Variants in ZNF710 observed in about 807,000 individuals in gnomAD.
ZNF710 encodes the protein zinc finger protein 710.
A neutral mutation model predicts 50.6 loss-of-function variants in ZNF710; 13 were observed. The observed-to-expected ratio is 0.26, with a 90% confidence interval of 0.17 to 0.41. The LOEUF (loss-of-function observed/expected upper bound fraction) is 0.41. Ranked by LOEUF, ZNF710 falls within the 10% of genes least tolerant of loss-of-function variation. ZNF710 has a pLI of 1.00. For synonymous variants in ZNF710, 383 were observed against 397.0 expected, an observed-to-expected ratio of 0.96 and a Z score of 0.42; for missense variants, 721 against 936.6, an observed-to-expected ratio of 0.77 and a Z score of 3.01.
intron 1 of ZNF710, among the ~76,000 whole-genome samples, chr15:90,043,915 T>C (rs995230227): frequency 1.1e-4 from 17 of 152,308 alleles, no homozygotes; most frequent in South Asian, 6.2e-4. Flanking sequence ...CCTTTTTTTT[T>C]CCCCTCTTGC....
At chr15:90,032,891 G>T (rs1485180912) in intron 1 of ZNF710, among the ~76,000 whole-genome samples, 2 of 151,822 alleles carry the variant, frequency 1.3e-5, no homozygotes, top group Non-Finnish European at 1.5e-5. Flanking sequence ...GGACAACATA[G>T]CAAGAACTTG....
At chr15:90,000,201 G>A (rs1464154041), upstream of ZNF710, among the ~76,000 whole-genome samples, 1 of 152,260 alleles carries the variant, frequency 6.6e-6, no homozygotes, top group Non-Finnish European at 1.5e-5. Flanking sequence ...GGACAGAGCA[G>A]GTCTTGGGAG....
At chr15:90,052,410 C>T (rs572900889) in intron 1 of ZNF710, among the ~76,000 whole-genome samples, 3 of 152,212 alleles carry the variant, frequency 2.0e-5, no homozygotes, top group South Asian at 2.1e-4. Context: ...TCTGATCACT[C>T]GAGATTAAAA....
chr15:90,010,905 T>C (rs1213495847), intron 1 of ZNF710, among the ~76,000 whole-genome samples: 1 of 150,090 alleles, frequency 6.7e-6, no homozygotes, highest in Non-Finnish European at 1.5e-5. Flanking sequence ...TGAACTTCTG[T>C]TTTTTATTGT....
chr15:90,070,995 GCT>G (rs1312159917), intron 2 of ZNF710, among the ~76,000 whole-genome samples: 39 of 152,348 alleles, frequency 2.6e-4, no homozygotes, highest in African/African-American at 8.9e-4. Context: ...TGGCACAGTG[GCT>G]CACGCCTGTA....
At chr15:90,005,814 C>T (rs527826336) in intron 1 of ZNF710, among the ~76,000 whole-genome samples, 1 of 152,284 alleles carries the variant, frequency 6.6e-6, no homozygotes, top group South Asian at 2.1e-4. Context: ...TGTCTTAGGC[C>T]AGAATTATGC....
At position 90,082,060 on chromosome 15, in the gene ZNF710, T is replaced by TAAC. The variant is rs1273241664; in HGVS notation, c.*2232_*2234dup. On this transcript the variant is annotated 3_prime_UTR_variant, in exon 5 of 5. Transcript: ENST00000268154. ...GGAAACTCCTGGACAAATTCCATTCTAACTTATTTTGACATGTATACAAAC... is the reference window on the plus strand; with the variant it reads ...GGAAACTCCTGGACAAATTCCATTCTAACAACTTATTTTGACATGTATACAAAC... 5 of 152,268 alleles carry TAAC rather than the reference T, an allele frequency of 3.3e-5. No homozygotes were observed. The highest frequency in any genetic ancestry group is 2.9e-5 in the Non-Finnish European group (2 of 68,058). The allele number at this position is 152,268 out of a possible 1,614,324, so 9.4% of individuals were successfully genotyped here.
chr15:90,075,009 C>T (rs187897335), intron 4 of ZNF710: 68 of 165,384 alleles, frequency 4.1e-4, no homozygotes, highest in Non-Finnish European at 8.2e-4. Context: ...TATGCCTCAG[C>T]AGTTCGTAGA....
chr15:90,030,944 G>C (rs1165212003), intron 1 of ZNF710, among the ~76,000 whole-genome samples: 2 of 150,606 alleles, frequency 1.3e-5, no homozygotes, highest in Non-Finnish European at 3.0e-5. Context: ...GCGTGAACCC[G>C]GGAGGCGGAG....
intron 1 of ZNF710, among the ~76,000 whole-genome samples, chr15:90,027,472 A>G (rs1490840697): frequency 6.6e-6 from 1 of 152,152 alleles, no homozygotes; most frequent in Non-Finnish European, 1.5e-5. Context: ...GGCCTCCCAA[A>G]GTGCTAGGAT....
intron 1 of ZNF710, among the ~76,000 whole-genome samples, chr15:90,010,085 G>T (rs1291682190): frequency 6.6e-6 from 1 of 152,020 alleles, no homozygotes; most frequent in African/African-American, 2.4e-5. Context: ...ATGCTTTGGT[G>T]CCTTGGCCAC....
At chr15:90,031,884 C>A (rs1898959622) in intron 1 of ZNF710, among the ~76,000 whole-genome samples, 1 of 152,190 alleles carries the variant, frequency 6.6e-6, no homozygotes, top group Admixed American at 6.5e-5. Context: ...GTTACAGTGG[C>A]TTTTTATTCT....
chr15:90,046,816 T>TA (rs1476663192), intron 1 of ZNF710, among the ~76,000 whole-genome samples: 4 of 152,040 alleles, frequency 2.6e-5, no homozygotes, highest in Non-Finnish European at 4.4e-5. Flanking sequence ...GTGGTGTGGG[T>TA]AAAGGTAGCA....
intron 1 of ZNF710, among the ~76,000 whole-genome samples, chr15:90,021,080 A>G (rs889428288): frequency 4.6e-5 from 5 of 108,944 alleles, no homozygotes; most frequent in African/African-American, 6.9e-5. Flanking sequence ...GTTCCTTGCT[A>G]TGGAGTCAAA....
At chr15:90,017,626 C>G (rs1160149929) in intron 1 of ZNF710, among the ~76,000 whole-genome samples, 1 of 151,836 alleles carries the variant, frequency 6.6e-6, no homozygotes, top group East Asian at 1.9e-4. Context: ...TGGCATCTTG[C>G]AAGGGATGCA....
rs769473072 is a variant in ZNF710, at chr15:90,068,364, C to T, written c.1227C>T (p.Cys409=). Residue 409 remains cysteine, a synonymous_variant, in exon 2 of 5, where the codon TGC becomes TGT. Transcript: ENST00000268154. The surrounding 1 kb of genome is among the most constrained non-coding windows in gnomAD (Gnocchi z 5.0). ...ATGAGAGTGGCCGCTGCCATGTCTG[C>T]GTCGAGTGCGGCCTGGACTTCTCCA... ...VKHESGRCHV[C]VECGLDFSTL... 22 of 1,612,306 alleles carry T rather than the reference C, an allele frequency of 1.4e-5. No individual in the cohort carries two copies. Among genetic ancestry groups the T allele is most frequent in the Admixed American group, 6.7e-5 (4 of 60,000 alleles).
At chr15:90,033,203 G>A (rs149377957) in intron 1 of ZNF710, among the ~76,000 whole-genome samples, 7 of 152,298 alleles carry the variant, frequency 4.6e-5, no homozygotes, top group African/African-American at 1.4e-4. Context: ...CTCGAACAGC[G>A]TGTGGGCCAG....
At chr15:90,028,953 A>G (rs536669190) in intron 1 of ZNF710, among the ~76,000 whole-genome samples, 1 of 152,364 alleles carries the variant, frequency 6.6e-6, no homozygotes, top group African/African-American at 2.4e-5. Context: ...AAGTGGTTGC[A>G]TTAGGGTGAG....
Position 90,067,210 on chromosome 15 carries a change from C to A in ZNF710, c.73C>A (p.Leu25Ile). The A allele has an allele frequency of 6.2e-7, 1 of 1,613,882 alleles. No homozygotes were observed. Among genetic ancestry groups the A allele is most frequent in the Non-Finnish European group, 8.5e-7 (1 of 1,179,940 alleles). ...VVLSLAQAAV[L>I]GLVSENELFG... ...GCTGTCCTTGGCTCAGGCCGCCGTG[C>A]TTGGCCTGGTCTCCGAAAATGAGCT... Residue 25 changes from leucine to isoleucine, a missense_variant, in exon 2 of 5, where the codon CTT becomes ATT. Leu to Ile is a conservative substitution (Grantham distance 5). Transcript: ENST00000268154. The surrounding 1 kb of genome is among the most constrained non-coding windows in gnomAD (Gnocchi z 8.1).
Sources: gnomAD v4.1 joint callset for allele counts (sites outside exome capture counted in the v4.1 genomes callset) on GRCh38, gnomAD v4.1.1 for gene constraint, Gnocchi (gnomAD v3.1) non-coding constraint, MANE v1.5 for transcripts, NCBI Gene and HGNC (gene_info 2026-07-23, HGNC 2026-07-21) for gene names.